Variants in PCDHA4 observed in about 807,000 individuals in gnomAD.
The protein encoded by PCDHA4 is protocadherin alpha 4.
In PCDHA4, 49 loss-of-function variants were observed where a neutral mutation model predicts 61.4. That is an observed-to-expected ratio of 0.80 (90% CI 0.63 to 1.01). The LOEUF (loss-of-function observed/expected upper bound fraction) is 1.01. PCDHA4 is among the 50% of genes least tolerant of loss of function. PCDHA4 has a pLI of 0.00. For synonymous variants in PCDHA4, 590 were observed against 550.3 expected, an observed-to-expected ratio of 1.07 and a Z score of -1.01; for missense variants, 1,254 against 1,235.8, an observed-to-expected ratio of 1.01 and a Z score of -0.22.
chr5:140,980,714 G>A (rs958793243), intron 2 of PCDHA4, among the ~76,000 whole-genome samples: 7 of 151,264 alleles, frequency 4.6e-5, no homozygotes, highest in African/African-American at 9.7e-5. Context: ...GCTCCTATTC[G>A]GGTTTCAATT....
rs959323631 is a variant in PCDHA4 at position 140,967,718 on chromosome 5, C to A, written c.2386-11231C>A. The A allele has an allele frequency of 8.7e-6, 14 of 1,614,106 alleles. 1 individual carries two copies. The South Asian group carries it at 1.5e-4, about 18-fold the overall frequency. ...CATAGATGCCAGTACCGGGGAAGTG[C>A]GAGTAATTGGGGGGCTGGATTATGA... On this transcript the variant is annotated intron_variant, in intron 1 of 3. Transcript: ENST00000530339.
chr5:140,853,932 G>C, intron 1 of PCDHA4: 6 of 869,474 alleles, frequency 6.9e-6, no homozygotes, highest in Non-Finnish European at 8.4e-6. Flanking sequence ...ATTTTGGGAG[G>C]CCAAGGTGGG....
chr5:140,985,885 G>A (rs1218097274), intron 3 of PCDHA4, among the ~76,000 whole-genome samples: 4 of 151,548 alleles, frequency 2.6e-5, no homozygotes, highest in Non-Finnish European at 5.9e-5. Flanking sequence ...GACTACAGGC[G>A]CCCGCCACCA....
At chr5:140,967,803 C>T (rs1042188546) in intron 1 of PCDHA4, 3 of 1,614,066 alleles carry the variant, frequency 1.9e-6, no homozygotes, top group Admixed American at 3.3e-5. Flanking sequence ...GTGCCCATGG[C>T]AGGTCACTGC....
At chr5:140,814,347 G>A (rs1554126500) in intron 1 of PCDHA4, 3 of 151,722 alleles carry the variant, frequency 2.0e-5, no homozygotes, top group African/African-American at 4.8e-5. Context: ...GTCTTCTGGG[G>A]CAGTTACACA....
intron 1 of PCDHA4, chr5:140,828,102 C>A: frequency 1.9e-6 from 3 of 1,608,522 alleles, no homozygotes; most frequent in Non-Finnish European, 2.5e-6. Context: ...ATGGTGTTTA[C>A]CCCGGAGGAT....
At chr5:140,823,114 G>A (rs2150122478) in intron 1 of PCDHA4, 2 of 1,614,100 alleles carry the variant, frequency 1.2e-6, no homozygotes, top group South Asian at 1.1e-5. Flanking sequence ...AGTGGCCGAC[G>A]TGAACGACAA....
At chr5:140,843,880 A>G in intron 1 of PCDHA4, 1 of 739,104 alleles carries the variant, frequency 1.4e-6, no homozygotes, top group Admixed American at 3.0e-5. Flanking sequence ...CAGTGGCATA[A>G]TACAGTATTA....
chr5:140,916,743 G>C (rs1355752854), intron 1 of PCDHA4, among the ~76,000 whole-genome samples: 1 of 152,156 alleles, frequency 6.6e-6, no homozygotes, highest in African/African-American at 2.4e-5. Context: ...AAGCTTCACT[G>C]CCTGGGATTA....
At chr5:140,858,251 C>A in intron 1 of PCDHA4, 1 of 1,596,688 alleles carries the variant, frequency 6.3e-7, no homozygotes, top group East Asian at 2.2e-5. Context: ...GCCGGTGAAG[C>A]CCACGCTGGT....
chr5:140,966,516 G>A (rs967570115), intron 1 of PCDHA4: 27 of 436,614 alleles, frequency 6.2e-5, no homozygotes, highest in Admixed American at 4.4e-4. Flanking sequence ...GCAGCAGCAG[G>A]AAGCCGAGCC....
At chr5:140,861,543 C>G (rs1554154929) in intron 1 of PCDHA4, 2 of 424,418 alleles carry the variant, frequency 4.7e-6, no homozygotes, top group East Asian at 7.1e-5. Flanking sequence ...CAGCATCCAC[C>G]TGGAAGTGAT....
chr5:140,850,382 C>T (rs2150481725), intron 1 of PCDHA4: 2 of 1,597,874 alleles, frequency 1.3e-6, no homozygotes, highest in East Asian at 2.2e-5. Context: ...TGTACACGGG[C>T]GAGATCAGCA....
At chr5:140,969,766 C>A (rs1384743731) in intron 1 of PCDHA4, among the ~76,000 whole-genome samples, 2 of 152,130 alleles carry the variant, frequency 1.3e-5, no homozygotes, top group Non-Finnish European at 1.5e-5. Context: ...AGCTCTGAGG[C>A]CTCTAGGGGC....
intron 3 of PCDHA4, among the ~76,000 whole-genome samples, chr5:140,984,074 A>T (rs1554245949): frequency 6.6e-6 from 1 of 152,268 alleles, no homozygotes; most frequent in African/African-American, 2.4e-5. Context: ...AGTGCCAACG[A>T]TGGAGTGAAG....
chr5:140,833,359 A>T (rs1015586759), intron 1 of PCDHA4, among the ~76,000 whole-genome samples: 2 of 152,216 alleles, frequency 1.3e-5, no homozygotes, highest in Non-Finnish European at 2.9e-5. Context: ...AAACGAACAC[A>T]GTAAGGTAGA....
At chr5:140,883,667 A>G in intron 1 of PCDHA4, 1 of 1,613,568 alleles carries the variant, frequency 6.2e-7, no homozygotes. Context: ...CGTGAAGGAA[A>G]ACAATCCGCC....
At chr5:140,829,831 G>T in intron 1 of PCDHA4, 2 of 1,613,918 alleles carry the variant, frequency 1.2e-6, no homozygotes, top group East Asian at 2.2e-5. Context: ...TGAGCGAGCT[G>T]GTGCCGCGGT....
At chr5:140,987,444 C>T (rs2097254283) in intron 3 of PCDHA4, among the ~76,000 whole-genome samples, 2 of 151,998 alleles carry the variant, frequency 1.3e-5, no homozygotes, top group Admixed American at 6.6e-5. Flanking sequence ...TCCCCATGCC[C>T]GAGAGATAAT....
Sources: allele counts gnomAD v4.1 joint callset (sites outside exome capture counted in the v4.1 genomes callset), GRCh38; gene constraint gnomAD v4.1.1; transcripts MANE v1.5; gene names NCBI Gene and HGNC (gene_info 2026-07-23, HGNC 2026-07-21).